Variants in COL25A1 observed in about 807,000 individuals in gnomAD.
COL25A1 encodes collagen type XXV alpha 1 chain.
A neutral mutation model predicts 128.4 loss-of-function variants in COL25A1; 103 were observed. That is an observed-to-expected ratio of 0.80 (90% confidence interval 0.68 to 0.94). The LOEUF is 0.94. Ranked by LOEUF, COL25A1 falls within the 40% of genes least tolerant of loss-of-function variation. The probability of loss-of-function intolerance (pLI) is 0.00; values close to 1 mark genes in which losing one functional copy is unlikely to be tolerated. For synonymous variants in COL25A1, 279 were observed against 277.2 expected, an observed-to-expected ratio of 1.01 and a Z score of -0.06; for missense variants, 745 against 840.0, an observed-to-expected ratio of 0.89 and a Z score of 1.40.
At chr4:109,160,689 G>A (rs760247725) in intron 3 of COL25A1, among the ~76,000 whole-genome samples, 11 of 152,120 alleles carry the variant, frequency 7.2e-5, no homozygotes, top group Non-Finnish European at 1.5e-4. Flanking sequence ...TGAGCCTGAG[G>A]TCAGCAGGAA....
chr4:109,071,521 T>C (rs1233586154), intron 3 of COL25A1, among the ~76,000 whole-genome samples: 1 of 152,020 alleles, frequency 6.6e-6, no homozygotes, highest in Non-Finnish European at 1.5e-5. Context: ...ACCTACAGAA[T>C]GGGAGAAAAT....
chr4:108,843,674 G>A (rs1055459830), intron 30 of COL25A1, among the ~76,000 whole-genome samples: 1 of 152,006 alleles, frequency 6.6e-6, no homozygotes, highest in Non-Finnish European at 1.5e-5. Context: ...TAAGAAGGAA[G>A]ATCTAACAAT....
chr4:108,869,406 G>T lies in COL25A1; in HGVS notation c.1021-256C>A, dbSNP rs368213723. Among the ~76,000 whole-genome samples, 318 of 152,146 alleles carry T rather than the reference G, an allele frequency of 2.1e-3. 3 individuals are homozygous for T. Among genetic ancestry groups the T allele is most frequent in the African/African-American group, 7.4e-3 (306 of 41,508 alleles). On this transcript the variant is annotated intron_variant, in intron 19 of 37. Transcript: ENST00000399132. ...CTGTAGCAAATATCAATCCTGAGTC[G>T]GGGGGAGGGGATGTGCAAACCCCTG... is the stretch of plus-strand genomic sequence containing the variant.
intron 3 of COL25A1, among the ~76,000 whole-genome samples, chr4:109,262,854 G>A (rs1295802919): frequency 2.0e-5 from 3 of 152,134 alleles, no homozygotes; most frequent in Admixed American, 1.3e-4. Context: ...TTCAGGCCGA[G>A]TGCAGTGAGT....
chr4:109,089,856 C>T (rs1308740247), intron 3 of COL25A1, among the ~76,000 whole-genome samples: 4 of 152,062 alleles, frequency 2.6e-5, no homozygotes, highest in African/African-American at 4.8e-5. Flanking sequence ...CTGCCTGACT[C>T]GGCTTCCAAA....
At chr4:109,050,562 G>A (rs2125942474) in intron 3 of COL25A1, among the ~76,000 whole-genome samples, 1 of 152,158 alleles carries the variant, frequency 6.6e-6, no homozygotes, top group East Asian at 1.9e-4. Context: ...TAATTTAAAA[G>A]TACTAAGTCC....
chr4:108,813,984 A>C, intron 37 of COL25A1, 55 bp from the exon 38 acceptor site: 2 of 1,372,656 alleles, frequency 1.5e-6, no homozygotes, highest in African/African-American at 1.4e-5. Flanking sequence ...TCTTGAATTA[A>C]AATTTTAAAT....
At chr4:108,924,673 A>G (rs150064505) in intron 11 of COL25A1, among the ~76,000 whole-genome samples, 22 of 152,148 alleles carry the variant, frequency 1.4e-4, no homozygotes, top group Admixed American at 2.0e-4. Flanking sequence ...GTCTCCTCCA[A>G]TCCTTTCTGC....
At chr4:109,218,357 G>GTTTTTTTTTTGTTTTTTTTTTTT (rs1553961829) in intron 3 of COL25A1, among the ~76,000 whole-genome samples, 1 of 73,530 alleles carries the variant, frequency 1.4e-5, no homozygotes, top group Non-Finnish European at 2.3e-5. Flanking sequence ...GTTTTTTGGG[G>GTTTTTTTTTTGTTTTTTTTTTTT]TTTTTTTTTT....
At chr4:108,882,026 A>G (rs1740187333) in intron 19 of COL25A1, among the ~76,000 whole-genome samples, 1 of 152,154 alleles carries the variant, frequency 6.6e-6, no homozygotes, top group African/African-American at 2.4e-5. Context: ...ACAAAAGAAA[A>G]TATCAGAGCT....
At chr4:109,285,478 C>T (rs1723789438) in intron 3 of COL25A1, among the ~76,000 whole-genome samples, 1 of 152,196 alleles carries the variant, frequency 6.6e-6, no homozygotes, top group Non-Finnish European at 1.5e-5. Flanking sequence ...CTTTCAAACA[C>T]ACTCTCTCCA....
At chr4:108,968,791 A>C (rs1035008479) in intron 8 of COL25A1, among the ~76,000 whole-genome samples, 3 of 152,176 alleles carry the variant, frequency 2.0e-5, no homozygotes, top group Admixed American at 6.5e-5. Flanking sequence ...GAAATATCTC[A>C]TCAAGATCAC....
chr4:109,041,935 G>A (rs1006119998), intron 5 of COL25A1, among the ~76,000 whole-genome samples: 25 of 152,046 alleles, frequency 1.6e-4, no homozygotes, highest in African/African-American at 3.9e-4. Context: ...CTTAAGGTCC[G>A]TCTGTTACAA....
At chr4:109,007,125 A>T (rs1199014986) in intron 6 of COL25A1, among the ~76,000 whole-genome samples, 1 of 152,214 alleles carries the variant, frequency 6.6e-6, no homozygotes, top group African/African-American at 2.4e-5. Context: ...ATTTTTAAAA[A>T]GTCAGTTTAA....
chr4:108,947,378 G>T (rs1038716004), intron 8 of COL25A1, among the ~76,000 whole-genome samples: 3 of 151,710 alleles, frequency 2.0e-5, no homozygotes, highest in African/African-American at 7.3e-5. Context: ...GGAGGCGGAG[G>T]TTGCAGTGAG....
chr4:108,941,768 C>A (rs1246670424), intron 8 of COL25A1, among the ~76,000 whole-genome samples: 1 of 152,164 alleles, frequency 6.6e-6, no homozygotes, highest in East Asian at 1.9e-4. Context: ...TCAGTCTGAG[C>A]AGAAAGTCTA....
rs772313589 is a variant in COL25A1, at chr4:108,852,229, G to A, written c.1389+7C>T. ...TGATAAATGGAAACAAGTAAATAAA[G>A]AATAACCTTTGGCCCTTGTAGTCCT... On this transcript the variant is annotated splice_region_variant and intron_variant, in intron 26 of 37. Coordinates refer to ENST00000399132, the MANE Select transcript of COL25A1 (RefSeq NM_198721.4). 2 of 1,604,314 alleles carry A rather than the reference G, an allele frequency of 1.2e-6. No homozygotes were observed. Among genetic ancestry groups the A allele is most frequent in the South Asian group, 1.1e-5 (1 of 90,032 alleles).
At chr4:109,026,000 T>C (rs753427568) in intron 5 of COL25A1, among the ~76,000 whole-genome samples, 1 of 151,712 alleles carries the variant, frequency 6.6e-6, no homozygotes, top group Non-Finnish European at 1.5e-5. Flanking sequence ...TTGGGCAAGA[T>C]TACCCCGAGA....
intron 13 of COL25A1, among the ~76,000 whole-genome samples, chr4:108,915,906 C>A (rs563809708): frequency 1.3e-5 from 2 of 152,232 alleles, no homozygotes; most frequent in East Asian, 3.9e-4. Flanking sequence ...AAAACAAATT[C>A]TAGAGTTCAA....
Sources: gnomAD v4.1 joint callset for allele counts (sites outside exome capture counted in the v4.1 genomes callset) on GRCh38, gnomAD v4.1.1 for gene constraint, MANE v1.5 for transcripts, NCBI Gene and HGNC (gene_info 2026-07-23, HGNC 2026-07-21) for gene names.